SPOCK3: variants seen among roughly 807,000 people sequenced by gnomAD.
SPOCK3 encodes the protein SPARC (osteonectin), cwcv and kazal like domains proteoglycan 3, also known as testican-3.
A neutral mutation model predicts 56.6 loss-of-function variants in SPOCK3; 30 were observed. The observed-to-expected ratio is 0.53, with a 90% CI of 0.40 to 0.72. The LOEUF is 0.72. Among genes scored for constraint, SPOCK3 ranks in the 30% least tolerant of loss-of-function variants. The probability of loss-of-function intolerance (pLI) is 0.00; values close to 1 mark genes in which losing one functional copy is unlikely to be tolerated. For missense variants in SPOCK3, 527 were observed against 530.0 expected (o/e 0.99, Z 0.06); for synonymous variants, 196 against 183.3 (o/e 1.07, Z -0.56).
At chr4:167,130,025 A>AT (rs1170437215) in intron 2 of SPOCK3, among the ~76,000 whole-genome samples, 6 of 151,938 alleles carry the variant, frequency 3.9e-5, no homozygotes, top group Admixed American at 6.6e-5. Flanking sequence ...AATTAAAAAA[A>AT]TTTTTTTTGA....
chr4:166,842,880 G>A (rs964395304), intron 6 of SPOCK3, among the ~76,000 whole-genome samples: 2 of 152,368 alleles, frequency 1.3e-5, no homozygotes, highest in Middle Eastern at 3.4e-3. Flanking sequence ...CGGGTGCTGT[G>A]TAGCAGGGGA....
intron 4 of SPOCK3, among the ~76,000 whole-genome samples, chr4:166,917,331 C>T (rs770919379): frequency 1.3e-4 from 19 of 151,962 alleles, no homozygotes; most frequent in Non-Finnish European, 2.2e-4. Context: ...CCAATTTATG[C>T]ATTATATATT....
At chr4:167,073,477 G>A (rs1457227741) in intron 2 of SPOCK3, among the ~76,000 whole-genome samples, 1 of 151,710 alleles carries the variant, frequency 6.6e-6, no homozygotes, top group Non-Finnish European at 1.5e-5. Flanking sequence ...AGTCAAGAAT[G>A]TATTTCTGTG....
intron 3 of SPOCK3, chr4:167,011,138 C>A: frequency 6.5e-6 from 2 of 305,534 alleles, no homozygotes; most frequent in East Asian, 8.1e-5. Flanking sequence ...CTTATAAAAA[C>A]CTCTTAAGGG....
At chr4:166,777,783 A>T (rs1448870955) in intron 7 of SPOCK3, among the ~76,000 whole-genome samples, 2 of 152,106 alleles carry the variant, frequency 1.3e-5, no homozygotes, top group Non-Finnish European at 2.9e-5. Flanking sequence ...TAGACCAAAA[A>T]ACCTGGGGTT....
chr4:166,960,208 T>G (rs1743992453), intron 4 of SPOCK3, among the ~76,000 whole-genome samples: 1 of 152,214 alleles, frequency 6.6e-6, no homozygotes. Context: ...TTGTTATACT[T>G]TAACATCAAA....
rs552791763 is a variant in SPOCK3, at chr4:167,121,477, A to C, written c.190-58940T>G. 2.6e-3 allele frequency among the ~76,000 whole-genome samples: 399 copies of C among 152,200 alleles called. 2 individuals are homozygous for C. The highest frequency in any genetic ancestry group is 9.1e-3 in the East Asian group (47 of 5,178). The stretch of plus-strand genomic sequence containing the variant: ...GATTTCTTCTCTGGTTTCAAACAAA[A>C]AAAAAAAAAGTGAATGTGGATGAGA... On this transcript the variant is annotated intron_variant, in intron 2 of 10. Transcript: ENST00000357545.
chr4:167,093,021 T>C (rs1758836922), intron 2 of SPOCK3, among the ~76,000 whole-genome samples: 1 of 152,210 alleles, frequency 6.6e-6, no homozygotes, highest in South Asian at 2.1e-4. Context: ...AAATTCTGAA[T>C]AATTTTGAAT....
At position 166,745,149 on chromosome 4, in the gene SPOCK3, C is replaced by T. The variant is rs536832672; in HGVS notation, c.932-3090G>A. On this transcript the variant is annotated intron_variant, in intron 8 of 10. Coordinates refer to ENST00000357545, the MANE Select transcript of SPOCK3 (RefSeq NM_001040159.2). ...GGATATACAGAGAACACCACAAAGA[C>T]ATTCCTCAAGAAGAGCAACCCCAAG... 8.0e-4 allele frequency among the ~76,000 whole-genome samples: 122 copies of T among 152,154 alleles called. 2 individuals carry two copies. The highest frequency in any genetic ancestry group is 1.3e-3 in the Non-Finnish European group (86 of 68,000).
chr4:167,221,870 A>G (rs757152883), intron 2 of SPOCK3, among the ~76,000 whole-genome samples: 14 of 152,204 alleles, frequency 9.2e-5, no homozygotes, highest in Non-Finnish European at 1.5e-4. Flanking sequence ...ACTGTAAAAC[A>G]GCGTAACCAC....
chr4:166,805,007 T>C (rs75838065), intron 6 of SPOCK3, among the ~76,000 whole-genome samples: 2 of 152,136 alleles, frequency 1.3e-5, no homozygotes, highest in Non-Finnish European at 2.9e-5. Context: ...ATCTCCAAGA[T>C]TGAGATAATA....
intron 3 of SPOCK3, among the ~76,000 whole-genome samples, chr4:167,038,173 C>T (rs911641982): frequency 1.3e-5 from 2 of 152,130 alleles, no homozygotes; most frequent in Non-Finnish European, 2.9e-5. Context: ...ATCCCCTCTG[C>T]TCCTGTCTCA....
At chr4:167,116,625 A>ATATACTATATACGTATATATATACG (rs1554038945) in intron 2 of SPOCK3, among the ~76,000 whole-genome samples, 1 of 125,216 alleles carries the variant, frequency 8.0e-6, no homozygotes, top group African/African-American at 3.1e-5. Flanking sequence ...ATATATATAC[A>ATATACTATATACGTATATATATACG]TATATACTAT....
chr4:167,166,028 G>C (rs1765728616), intron 2 of SPOCK3, among the ~76,000 whole-genome samples: 1 of 151,990 alleles, frequency 6.6e-6, no homozygotes, highest in Non-Finnish European at 1.5e-5. Context: ...ACTCTAAGAT[G>C]GATGACAAGT....
chr4:167,223,552 AGCC>A (rs1736284287), intron 2 of SPOCK3, among the ~76,000 whole-genome samples: 2 of 151,874 alleles, frequency 1.3e-5, no homozygotes, highest in Admixed American at 6.6e-5. Context: ...TACTGGAGAG[AGCC>A]CTGACTGATA....
At chr4:166,865,235 T>C (rs1199910996) in intron 6 of SPOCK3, among the ~76,000 whole-genome samples, 1 of 152,170 alleles carries the variant, frequency 6.6e-6, no homozygotes, top group Non-Finnish European at 1.5e-5. Flanking sequence ...TCAACATTCT[T>C]TCATGCTAAA....
intron 2 of SPOCK3, among the ~76,000 whole-genome samples, chr4:167,111,467 T>C (rs1463146358): frequency 6.6e-6 from 1 of 152,104 alleles, no homozygotes; most frequent in Non-Finnish European, 1.5e-5. Flanking sequence ...AACAAACTAT[T>C]AAAAGACATT....
At chr4:167,139,036 C>A (rs537355490) in intron 2 of SPOCK3, among the ~76,000 whole-genome samples, 1 of 151,990 alleles carries the variant, frequency 6.6e-6, no homozygotes, top group South Asian at 2.1e-4. Flanking sequence ...TGAAAAATTT[C>A]ACTTAATAGG....
intron 2 of SPOCK3, among the ~76,000 whole-genome samples, chr4:167,171,611 A>G (rs531978367): frequency 1.3e-5 from 2 of 152,304 alleles, no homozygotes; most frequent in East Asian, 3.9e-4. Context: ...GTTTGAGAAA[A>G]CAATATAGAC....
Sources: allele counts gnomAD v4.1 joint callset (sites outside exome capture counted in the v4.1 genomes callset), GRCh38; gene constraint gnomAD v4.1.1; transcripts MANE v1.5; gene names NCBI Gene and HGNC (gene_info 2026-07-23, HGNC 2026-07-21).